Variants in MYO5C observed in about 807,000 individuals in gnomAD.
MYO5C encodes unconventional myosin-Vc.
Under a neutral mutation model 235.7 loss-of-function variants are expected in MYO5C, and 194 were observed. That is an observed-to-expected ratio of 0.82 (90% confidence interval 0.73 to 0.93). The LOEUF is 0.93. MYO5C is among the 40% of genes least tolerant of loss of function. The probability of loss-of-function intolerance (pLI) is 0.00; values close to 1 mark genes in which losing one functional copy is unlikely to be tolerated. For missense variants in MYO5C, 2,038 were observed against 2,127.2 expected (o/e 0.96, Z 0.82); for synonymous variants, 707 against 754.8 (o/e 0.94, Z 1.04).
intron 34 of MYO5C, 35 bp downstream of exon 34, chr15:52,213,153 A>G (rs1245977619): frequency 6.4e-6 from 10 of 1,564,116 alleles, no homozygotes; most frequent in Non-Finnish European, 8.8e-6. Flanking sequence ...GTTCTCAAAG[A>G]GAAAGCAAAA....
chr15:52,256,548 T>C (rs1175369488), intron 11 of MYO5C, 91 bp downstream of exon 11: 4 of 824,240 alleles, frequency 4.9e-6, no homozygotes, highest in South Asian at 3.4e-5. Flanking sequence ...GAAAGAAGAA[T>C]GCCTCTTTCC....
rs202130148 is a variant in MYO5C at position 52,193,972 on chromosome 15, G to T, written c.5159C>A (p.Pro1720His). ...AATCATTTCCAGAGCATGTGGAGAG[G>T]GGGTAAAAGGAAATGTGACTTGAAA... ...YLFQVTFPFT[P>H]SPHALEMIQI... Residue 1720 changes from proline (P) to histidine (H), a missense_variant, in exon 41 of 41, where the codon CCC becomes CAC. Transcript: ENST00000261839. 6.2e-7 allele frequency: 1 copy of T among 1,613,790 alleles called. No individual in the cohort carries two copies.
At chr15:52,261,250 A>G in intron 9 of MYO5C, 123 bp from the exon 10 acceptor site, 1 of 1,172,574 alleles carries the variant, frequency 8.5e-7, no homozygotes. Context: ...AGCTGGCACA[A>G]GGACGCCCAG....
intron 23 of MYO5C, among the ~76,000 whole-genome samples, 187 bp downstream of exon 23, chr15:52,235,483 A>C (rs920480320): frequency 1.3e-5 from 2 of 152,210 alleles, no homozygotes; most frequent in Non-Finnish European, 2.9e-5. Context: ...AAAGACAGAA[A>C]TAAAACAGAC....
chr15:52,220,928 G>A (rs533057906), intron 30 of MYO5C, among the ~76,000 whole-genome samples: 6 of 151,864 alleles, frequency 4.0e-5, no homozygotes, highest in African/African-American at 1.4e-4. Context: ...ACCCATCACC[G>A]CTTCCCAAAG....
At chr15:52,227,434 T>A (rs1002858526) in intron 25 of MYO5C, among the ~76,000 whole-genome samples, 2 of 151,488 alleles carry the variant, frequency 1.3e-5, no homozygotes, top group African/African-American at 4.9e-5. Flanking sequence ...CCTGACCTCG[T>A]GATCCGCCCA....
At chr15:52,220,689 TG>T (rs1173945030) in intron 30 of MYO5C, among the ~76,000 whole-genome samples, 1 of 150,008 alleles carries the variant, frequency 6.7e-6, no homozygotes, top group Non-Finnish European at 1.5e-5. Context: ...TAGCTGGGTG[TG>T]GTGGTGGGTG....
chr15:52,291,951 G>A (rs918536382), intron 1 of MYO5C, among the ~76,000 whole-genome samples: 1 of 151,804 alleles, frequency 6.6e-6, no homozygotes, highest in African/African-American at 2.4e-5. Context: ...GTGTTAGCCA[G>A]GATGGTCTCG....
chr15:52,279,073 G>T (rs2037110109), intron 3 of MYO5C, 56 bp from the exon 4 acceptor site: 19 of 1,406,160 alleles, frequency 1.4e-5, no homozygotes, highest in East Asian at 2.4e-5. Context: ...TGCATCTCCA[G>T]TTTTTTTTTT....
chr15:52,236,107 A>G (rs1193494658), intron 22 of MYO5C, among the ~76,000 whole-genome samples: 1 of 152,238 alleles, frequency 6.6e-6, no homozygotes, highest in South Asian at 2.1e-4. Context: ...ATATGCTATG[A>G]TTACACAGTT....
At chr15:52,271,904 G>T in intron 6 of MYO5C, 60 bp from the exon 7 acceptor site, 2 of 1,087,564 alleles carry the variant, frequency 1.8e-6, no homozygotes, top group Non-Finnish European at 2.7e-6. Flanking sequence ...AAAATGCCAG[G>T]TTTTTAACTA....
At chr15:52,213,137 AT>A (rs763123534) in intron 34 of MYO5C, 50 bp downstream of exon 34, 1 of 1,407,214 alleles carries the variant, frequency 7.1e-7, no homozygotes, top group Non-Finnish European at 1.0e-6. Flanking sequence ...ACTGACTGAT[AT>A]GCAAGTTCTC....
intron 9 of MYO5C, 94 bp downstream of exon 9, chr15:52,264,094 CTA>C: frequency 2.2e-6 from 2 of 895,144 alleles, no homozygotes; most frequent in East Asian, 5.1e-5. Flanking sequence ...AGGAGGCCGA[CTA>C]TATCTGGTGC....
At chr15:52,217,498 G>GAGGCA (rs975545937) in intron 32 of MYO5C, among the ~76,000 whole-genome samples, 4 of 152,198 alleles carry the variant, frequency 2.6e-5, no homozygotes, top group African/African-American at 9.6e-5. Flanking sequence ...GGGCCCACAG[G>GAGGCA]AGGCAAGGCA....
chr15:52,210,221 C>T (rs1488183008), intron 35 of MYO5C, among the ~76,000 whole-genome samples: 3 of 152,144 alleles, frequency 2.0e-5, no homozygotes. Context: ...GCCTCAGCCT[C>T]CCAAAGTGCT....
intron 24 of MYO5C, among the ~76,000 whole-genome samples, chr15:52,230,103 A>C (rs1363172882): frequency 2.0e-5 from 3 of 152,244 alleles, no homozygotes; most frequent in Non-Finnish European, 4.4e-5. Flanking sequence ...ATTCTAGAAT[A>C]AATGGCAGCA....
rs1018974871 is a variant in MYO5C, at chr15:52,192,437, A to G, written c.*1465T>C. 5 of 152,226 alleles carry G rather than the reference A, an allele frequency of 3.3e-5. No homozygotes were observed. Among genetic ancestry groups the G allele is most frequent in the African/African-American group, 1.2e-4 (5 of 41,458 alleles). 9.4% of individuals were successfully genotyped at this position (152,226 alleles called of 1,614,324 possible). On this transcript the variant is annotated 3_prime_UTR_variant, in exon 41 of 41. Transcript: ENST00000261839. ...ACTTATAATATAAAAAGACATTATT[A>G]TGTATTAGCAGGGTGATGCTTCATA...
intron 8 of MYO5C, among the ~76,000 whole-genome samples, chr15:52,267,215 T>C (rs1379285116): frequency 6.6e-6 from 1 of 152,156 alleles, no homozygotes; most frequent in Non-Finnish European, 1.5e-5. Flanking sequence ...GAAGAAGAGA[T>C]GGTTTTACTC....
chr15:52,244,373 C>A lies in MYO5C; in HGVS notation c.2373G>T (p.Arg791=). ...CAACATACCTCACAGTTTGCTGACC[C>A]CGGAAGTACTGCTGGATTATCAGGG... ...RAALIIQQYF[R]GQQTVRKAIT... is the part of the protein sequence containing the mutation. Residue 791 remains arginine, a synonymous_variant, in exon 19 of 41, where the codon CGG becomes CGT. Transcript: ENST00000261839. 6.2e-7 allele frequency: 1 copy of A among 1,613,432 alleles called. No homozygotes were observed. Among genetic ancestry groups the A allele is most frequent in the Non-Finnish European group, 8.5e-7 (1 of 1,179,922 alleles).
Sources: allele counts gnomAD v4.1 joint callset (sites outside exome capture counted in the v4.1 genomes callset), GRCh38; gene constraint gnomAD v4.1.1; transcripts MANE v1.5; gene names NCBI Gene and HGNC (gene_info 2026-07-23, HGNC 2026-07-21).